EYA2: variants seen among roughly 807,000 people sequenced by gnomAD.
EYA2 encodes the protein protein phosphatase EYA2.
Under a neutral mutation model 69.2 loss-of-function variants are expected in EYA2, and 31 were observed. That is an observed-to-expected ratio of 0.45 (90% CI 0.34 to 0.60). The LOEUF (loss-of-function observed/expected upper bound fraction) is 0.60. Ranked by LOEUF, EYA2 falls within the 20% of genes least tolerant of loss-of-function variation. The pLI is 0.02. For synonymous variants in EYA2, 257 were observed against 279.4 expected (o/e 0.92, Z 0.80); for missense variants, 622 against 701.2 (o/e 0.89, Z 1.28).
chr20:47,061,686 G>A (rs2030897089), intron 5 of EYA2, among the ~76,000 whole-genome samples: 1 of 152,192 alleles, frequency 6.6e-6, no homozygotes, highest in Non-Finnish European at 1.5e-5. Flanking sequence ...AGTGAGACAT[G>A]TTTACAGCAA....
intron 5 of EYA2, among the ~76,000 whole-genome samples, chr20:47,031,589 T>C (rs1212464376): frequency 6.6e-6 from 1 of 152,122 alleles, no homozygotes; most frequent in Non-Finnish European, 1.5e-5. Flanking sequence ...ATTCAGAAAA[T>C]TCTAGAATTA....
intron 9 of EYA2, among the ~76,000 whole-genome samples, chr20:47,128,385 C>T (rs2033253232): frequency 6.6e-6 from 1 of 152,192 alleles, no homozygotes; most frequent in South Asian, 2.1e-4. Context: ...GGAAAGCCAG[C>T]CTGAGACCTG....
At chr20:46,905,521 G>A (rs535162520) in intron 1 of EYA2, among the ~76,000 whole-genome samples, 1 of 152,314 alleles carries the variant, frequency 6.6e-6, no homozygotes, top group South Asian at 2.1e-4. Flanking sequence ...AACAGCACAT[G>A]GAAAAAGTAA....
chr20:47,015,384 G>C (rs1007116928), intron 4 of EYA2, among the ~76,000 whole-genome samples: 15 of 152,322 alleles, frequency 9.8e-5, no homozygotes, highest in African/African-American at 3.1e-4. Flanking sequence ...TTTTGCTGAA[G>C]CAGAAGGCAG....
chr20:46,905,478 A>G (rs13045288), intron 1 of EYA2, among the ~76,000 whole-genome samples: 1 of 152,208 alleles, frequency 6.6e-6, no homozygotes, highest in African/African-American at 2.4e-5. Flanking sequence ...CTTTTACCCC[A>G]CATTCCATTG....
At chr20:46,955,138 ATT>A (rs34188905) in intron 1 of EYA2, among the ~76,000 whole-genome samples, 136 of 139,486 alleles carry the variant, frequency 9.8e-4, no homozygotes, top group Admixed American at 1.5e-3. Flanking sequence ...TCATGCAGTC[ATT>A]TTTTTTTTTT....
At chr20:46,944,276 A>C (rs1427682356) in intron 1 of EYA2, among the ~76,000 whole-genome samples, 1 of 152,168 alleles carries the variant, frequency 6.6e-6, no homozygotes, top group African/African-American at 2.4e-5. Flanking sequence ...AGACAATTGC[A>C]AGGGTCAGGG....
chr20:47,176,205 G>C (rs1018766925), intron 12 of EYA2, among the ~76,000 whole-genome samples: 1 of 149,952 alleles, frequency 6.7e-6, no homozygotes. Context: ...TCAGCCTCCC[G>C]AGTAGCTGGG....
intron 10 of EYA2, among the ~76,000 whole-genome samples, chr20:47,147,129 A>G (rs1293209327): frequency 2.0e-5 from 3 of 148,932 alleles, no homozygotes; most frequent in South Asian, 2.1e-4. Flanking sequence ...TCGCACTGCA[A>G]CCTCTGCCTC....
At chr20:47,185,064 C>T (rs189402060) in intron 15 of EYA2, among the ~76,000 whole-genome samples, 79 of 152,246 alleles carry the variant, frequency 5.2e-4, no homozygotes, top group African/African-American at 1.5e-3. Context: ...GAAATCTGAG[C>T]GGTGTAAAAT....
intron 1 of EYA2, among the ~76,000 whole-genome samples, chr20:46,987,997 TGGG>T (rs142827198): frequency 1.4e-5 from 1 of 69,022 alleles, no homozygotes; most frequent in Admixed American, 1.6e-4. Context: ...TATATATATA[TGGG>T]GCAAAAAAAA....
Position 47,097,196 on chromosome 20 carries a change from C to CT in EYA2, c.888+35dup, listed in dbSNP as rs569031055. On this transcript the variant is annotated intron_variant, in intron 9 of 15. Transcript: ENST00000327619. ...AAGAATCCATTTTGTCTCTCTCTCT[C>CT]TTTTTTTGTTTTCAACGTTATTGTC... 1.7e-3 allele frequency: 2,579 copies of CT among 1,528,912 alleles called. 8 individuals are homozygous for CT. Among genetic ancestry groups the CT allele is most frequent in the Non-Finnish European group, 2.1e-3 (2,370 of 1,112,642 alleles). 94.7% of individuals were successfully genotyped at this position (1,528,912 alleles called of 1,614,324 possible).
chr20:47,172,921 G>T, intron 12 of EYA2, 54 bp downstream of exon 12: 1 of 1,552,828 alleles, frequency 6.4e-7, no homozygotes, highest in Non-Finnish European at 8.8e-7. Context: ...TGGGATGGAT[G>T]CTGTCAGTGT....
intron 5 of EYA2, 122 bp downstream of exon 5, chr20:47,016,419 G>C: frequency 1.4e-6 from 1 of 723,754 alleles, no homozygotes; most frequent in Non-Finnish European, 2.5e-6. Context: ...TCTATCTCGA[G>C]GAGTGGAGAA....
chr20:47,063,204 A>G (rs915061870), intron 5 of EYA2, among the ~76,000 whole-genome samples: 1 of 152,154 alleles, frequency 6.6e-6, no homozygotes, highest in Non-Finnish European at 1.5e-5. Context: ...CATAACCTTT[A>G]AGCGGTCATG....
intron 1 of EYA2, among the ~76,000 whole-genome samples, chr20:46,904,988 ATCT>A (rs982193347): frequency 3.7e-4 from 57 of 152,252 alleles, no homozygotes; most frequent in Admixed American, 2.0e-3. Flanking sequence ...GGATGTTTTA[ATCT>A]TCTGCTGTTA....
rs139523568 is a variant in EYA2, at chr20:46,951,335, G to A, written c.-10-38666G>A. Among the ~76,000 whole-genome samples the A allele has an allele frequency of 1.9e-3, 294 of 152,260 alleles. 1 individual carries two copies. The highest frequency in any genetic ancestry group is 0.014 in the Middle Eastern group (4 of 294). ...ATGTAGCAGTAACCAGTTGTCTGGT[G>A]TCGCTTTGGCATTCCCTAAAGCTTA... On this transcript the variant is annotated intron_variant, in intron 1 of 15. Transcript: ENST00000327619.
intron 2 of EYA2, among the ~76,000 whole-genome samples, chr20:46,992,747 A>G (rs1276836014): frequency 2.0e-5 from 3 of 152,118 alleles, no homozygotes; most frequent in African/African-American, 7.2e-5. Context: ...AGGCAGAGAG[A>G]GGTTGCTCCC....
At position 46,900,895 on chromosome 20, in the gene EYA2, G is replaced by A. The variant is rs577397793; in HGVS notation, c.-11+5908G>A. Among the ~76,000 whole-genome samples the A allele has an allele frequency of 1.8e-4, 28 of 152,284 alleles. No individual in the cohort carries two copies. The South Asian group carries it at 4.8e-3, about 26-fold the overall frequency. ...AAAGCTTTTTACAGGCTGCTATTACGAGAAGAGAAGCCAAACCAACATGTA... is the reference window on the plus strand; with the variant it reads ...AAAGCTTTTTACAGGCTGCTATTACAAGAAGAGAAGCCAAACCAACATGTA... On this transcript the variant is annotated intron_variant, in intron 1 of 15. Transcript: ENST00000327619.
Sources: allele counts gnomAD v4.1 joint callset (sites outside exome capture counted in the v4.1 genomes callset), GRCh38; gene constraint gnomAD v4.1.1; transcripts MANE v1.5; gene names NCBI Gene and HGNC (gene_info 2026-07-23, HGNC 2026-07-21).